GSDME: variants seen among roughly 807,000 people sequenced by gnomAD.
The protein encoded by GSDME is gasdermin-E.
A neutral mutation model predicts 47.5 loss-of-function variants in GSDME; 44 were observed. The ratio of observed to expected loss-of-function variants is 0.93; its 90% confidence interval spans 0.73 to 1.19. The LOEUF is 1.19. Ranked by LOEUF, GSDME falls within the 50% of genes most tolerant of loss-of-function variation. The pLI is 0.00. For synonymous variants in GSDME, 258 were observed against 252.8 expected (o/e 1.02, Z -0.20); for missense variants, 663 against 604.2 (o/e 1.10, Z -1.02).
rs34712480 is a variant in GSDME at position 24,754,485 on chromosome 7, CAAAA to C, written c.-20+2907_-20+2910del. Among the ~76,000 whole-genome samples, 9 of 131,622 alleles carry C rather than the reference CAAAA, an allele frequency of 6.8e-5. No homozygotes were observed. Among genetic ancestry groups the C allele is most frequent in the African/African-American group, 1.0e-4 (4 of 38,468 alleles). 86.3% of individuals were successfully genotyped at this position (131,622 alleles called of 152,430 possible). The stretch of plus-strand genomic sequence containing the variant: ...GGGCAACAAGAGCGAAACTTTGTCT[CAAAA>C]AAAAAAAAAAAAAGTTGTATTAGCA... On this transcript the variant is annotated intron_variant, in intron 1 of 9. Transcript: ENST00000645220. The surrounding 1 kb of genome is among the most constrained non-coding windows in gnomAD (Gnocchi z 5.0).
the GSDME span, among the ~76,000 whole-genome samples, chr7:24,764,766 ATCACGCCTAGC>A: frequency 6.6e-6 from 1 of 152,212 alleles, no homozygotes; most frequent in Non-Finnish European, 1.5e-5. This position sits in a 1 kb window ranked among gnomAD's most constrained non-coding sequence, Gnocchi z 4.4. Flanking sequence ...AGTGGGAATA[ATCACGCCTAGC>A]TCACTGAGTT....
intron 1 of GSDME, among the ~76,000 whole-genome samples, chr7:24,751,145 T>C (rs1584109721): frequency 6.6e-6 from 1 of 152,192 alleles, no homozygotes; most frequent in Admixed American, 6.5e-5. Context: ...AACATATTTT[T>C]TAAAAACTTT....
intron 6 of GSDME, 34 bp downstream of exon 6, chr7:24,710,190 C>G: frequency 6.2e-7 from 1 of 1,611,016 alleles, no homozygotes; most frequent in Non-Finnish European, 8.5e-7. Context: ...AGTTGGCCCT[C>G]AACTGCCCAC....
Position 24,726,546 on chromosome 7 carries a change from G to A in GSDME, c.405-7328C>T, listed in dbSNP as rs1429971343. Among the ~76,000 whole-genome samples, 3 of 152,210 alleles carry A rather than the reference G, an allele frequency of 2.0e-5. No individual in the cohort carries two copies. The highest frequency in any genetic ancestry group is 2.9e-5 in the Non-Finnish European group (2 of 68,042). ...CCCTTGATAGTAACAATGGTAGGCC[G>A]GGCGCGGTGGCTCACGCCTGTTATC... On this transcript the variant is annotated intron_variant, in intron 3 of 9. Coordinates refer to ENST00000645220, the MANE Select transcript of GSDME (RefSeq NM_001127453.2). This position sits in a 1 kb window ranked among gnomAD's most constrained non-coding sequence, Gnocchi z 5.6.
chr7:24,722,318 C>T (rs922993687), intron 3 of GSDME, among the ~76,000 whole-genome samples: 1 of 152,164 alleles, frequency 6.6e-6, no homozygotes, highest in African/African-American at 2.4e-5. Flanking sequence ...GGATCTGCAG[C>T]TTGGATCAAA....
At chr7:24,708,453 GGAGA>G (rs1170647194) in intron 6 of GSDME, among the ~76,000 whole-genome samples, 199 bp from the exon 7 acceptor site, 1 of 152,154 alleles carries the variant, frequency 6.6e-6, no homozygotes, top group African/African-American at 2.4e-5. Context: ...AAGGGAGGGA[GGAGA>G]GAGAGAGAAA....
Position 24,742,140 on chromosome 7 carries a change from C to T in GSDME, c.404+2422G>A, listed in dbSNP as rs1790512338. Among the ~76,000 whole-genome samples the T allele has an allele frequency of 6.6e-6, 1 of 152,210 alleles. No homozygotes were observed. The highest frequency in any genetic ancestry group is 2.4e-5 in the African/African-American group (1 of 41,448). On this transcript the variant is annotated intron_variant, in intron 3 of 9. Transcript: ENST00000645220. The surrounding 1 kb of genome is among the most constrained non-coding windows in gnomAD (Gnocchi z 4.4). ...GCCTCGCTATGCACATGTGCCTGCTCAGGATAGTTTCTATTCCATGATTCA... is the reference window on the plus strand; with the variant it reads ...GCCTCGCTATGCACATGTGCCTGCTTAGGATAGTTTCTATTCCATGATTCA...
At chr7:24,722,766 C>T (rs1789836444) in intron 3 of GSDME, among the ~76,000 whole-genome samples, 1 of 152,244 alleles carries the variant, frequency 6.6e-6, no homozygotes, top group Non-Finnish European at 1.5e-5. Flanking sequence ...CCACCTCCCT[C>T]CAGAACCCCC....
chr7:24,771,325 T>G, the GSDME span, among the ~76,000 whole-genome samples: 4 of 152,200 alleles, frequency 2.6e-5, no homozygotes, highest in Non-Finnish European at 4.4e-5. This position sits in a 1 kb window ranked among gnomAD's most constrained non-coding sequence, Gnocchi z 4.1. Context: ...GGTGGACACA[T>G]TAATGTTTTT....
In GSDME at chr7:24,721,134, CGAA is replaced by C. The variant is rs1449173330; in HGVS notation, c.405-1919_405-1917del. ...GCTGCAGAGTTCCTAGTTGAGGTGA[CGAA>C]GAAGTTCTAGAAATGCAGAGTAGAG... On this transcript the variant is annotated intron_variant, in intron 3 of 9. Coordinates refer to ENST00000645220, the MANE Select transcript of GSDME (RefSeq NM_001127453.2). This position sits in a 1 kb window ranked among gnomAD's most constrained non-coding sequence, Gnocchi z 4.1. Among the ~76,000 whole-genome samples the C allele has an allele frequency of 5.9e-5, 9 of 152,148 alleles. No individual in the cohort carries two copies. Among genetic ancestry groups the C allele is most frequent in the Admixed American group, 1.3e-4 (2 of 15,298 alleles).
intron 7 of GSDME, among the ~76,000 whole-genome samples, chr7:24,706,812 T>C (rs1432194100): frequency 6.6e-6 from 1 of 152,078 alleles, no homozygotes; most frequent in East Asian, 1.9e-4. Flanking sequence ...TGCTGTGGAG[T>C]GAGGCGACCC....
the GSDME span, among the ~76,000 whole-genome samples, chr7:24,766,185 G>A: frequency 3.5e-5 from 5 of 141,578 alleles, no homozygotes; most frequent in African/African-American, 1.3e-4. This position sits in a 1 kb window ranked among gnomAD's most constrained non-coding sequence, Gnocchi z 4.2. Context: ...TACATTATTT[G>A]TGTGTGTGTG....
chr7:24,760,834 A>G (rs1046672528), upstream of GSDME, among the ~76,000 whole-genome samples: 1 of 152,250 alleles, frequency 6.6e-6, no homozygotes, highest in Non-Finnish European at 1.5e-5. The surrounding 1 kb of genome is among the most constrained non-coding windows in gnomAD (Gnocchi z 4.2). Context: ...AAAGCTTTAT[A>G]GAGGGTTAAA....
At position 24,749,695 on chromosome 7, in the gene GSDME, T is replaced by A; in HGVS notation, c.80A>T (p.Asp27Val). The change falls in exon 2 of 10, where the codon GAC becomes GTC. Residue 27 changes from aspartate to valine, a missense_variant. Transcript: ENST00000645220. ...ACTTAGAAGCTGTAACTTATCAGAG[T>A]CATTCAGATTTGATACTGCAATCAG... is the stretch of plus-strand genomic sequence containing the variant. ...GDLIAVSNLN[D>V]SDKLQLLSLV... 1 of 1,614,012 alleles carries A rather than the reference T, an allele frequency of 6.2e-7. No individual in the cohort carries two copies.
At chr7:24,789,227 T>C in the GSDME span, among the ~76,000 whole-genome samples, 1 of 151,968 alleles carries the variant, frequency 6.6e-6, no homozygotes, top group African/African-American at 2.4e-5. Context: ...AATATGTTGG[T>C]TTGAGTAGTA....
chr7:24,743,199 A>G (rs574957788), intron 3 of GSDME, among the ~76,000 whole-genome samples: 1 of 152,312 alleles, frequency 6.6e-6, no homozygotes, highest in Non-Finnish European at 1.5e-5. Context: ...ACCTAATGCT[A>G]TGTGAGTTTT....
At chr7:24,743,733 T>C (rs1790561232) in intron 3 of GSDME, among the ~76,000 whole-genome samples, 1 of 152,174 alleles carries the variant, frequency 6.6e-6, no homozygotes, top group Admixed American at 6.5e-5. Context: ...CAGATGCCCC[T>C]GTGCCTTCCC....
At chr7:24,787,539 C>A in the GSDME span, among the ~76,000 whole-genome samples, 1 of 152,142 alleles carries the variant, frequency 6.6e-6, no homozygotes, top group Non-Finnish European at 1.5e-5. This position sits in a 1 kb window ranked among gnomAD's most constrained non-coding sequence, Gnocchi z 5.0. Flanking sequence ...TTAGCCAAAT[C>A]TGAGAATCAC....
At chr7:24,708,290 C>G (rs367937038) in intron 6 of GSDME, 36 bp from the exon 7 acceptor site, 1 of 1,613,174 alleles carries the variant, frequency 6.2e-7, no homozygotes, top group African/African-American at 1.3e-5. Context: ...CTCATGACTG[C>G]GATGCACATC....
Sources: allele counts gnomAD v4.1 joint callset (sites outside exome capture counted in the v4.1 genomes callset), GRCh38; gene constraint gnomAD v4.1.1; non-coding constraint Gnocchi (gnomAD v3.1); transcripts MANE v1.5; gene names NCBI Gene and HGNC (gene_info 2026-07-23, HGNC 2026-07-21).